WHRN: variants seen among roughly 807,000 people sequenced by gnomAD.
WHRN encodes CASK-interacting protein CIP98.
In WHRN, 41 loss-of-function variants were observed where a neutral mutation model predicts 68.3. The observed-to-expected ratio is 0.60, with a 90% CI of 0.47 to 0.78. The LOEUF (loss-of-function observed/expected upper bound fraction) is 0.78. WHRN is among the 30% of genes least tolerant of loss of function. WHRN has a pLI of 0.00. For missense variants in WHRN, 1,243 were observed against 1,244.7 expected (o/e 1.00, Z 0.02); for synonymous variants, 560 against 561.3 (o/e 1.00, Z 0.03).
At chr9:114,481,604 C>T (rs1430159245) in intron 1 of WHRN, among the ~76,000 whole-genome samples, 1 of 152,248 alleles carries the variant, frequency 6.6e-6, no homozygotes, top group African/African-American at 2.4e-5. Flanking sequence ...TCCCTCTCGT[C>T]TCTGCCTCCT....
chr9:114,427,896 T>C (rs1489649462), intron 3 of WHRN, among the ~76,000 whole-genome samples: 2 of 152,236 alleles, frequency 1.3e-5, no homozygotes, highest in Non-Finnish European at 2.9e-5. Flanking sequence ...TGGGATGTTG[T>C]GCTGAGCAGG....
At position 114,406,336 on chromosome 9, in the gene WHRN, C is replaced by T. The variant is rs767543804; in HGVS notation, c.2236+19G>A. 1 of 1,613,860 alleles carries T rather than the reference C, an allele frequency of 6.2e-7. No homozygotes were observed. Among genetic ancestry groups the T allele is most frequent in the Non-Finnish European group, 8.5e-7 (1 of 1,180,022 alleles). On this transcript the variant is annotated intron_variant, in intron 9 of 11. Coordinates refer to ENST00000362057, the MANE Select transcript of WHRN (RefSeq NM_015404.4). ...CAGGGACCCCCAAGGACCACAGAGC[C>T]TGGCCTTGCTGTACTCACTGCGCGT...
intron 4 of WHRN, 181 bp downstream of exon 4, chr9:114,426,030 G>A (rs1233822444): frequency 1.4e-6 from 1 of 733,588 alleles, no homozygotes; most frequent in Non-Finnish European, 2.3e-6. Flanking sequence ...TTTCCATGGG[G>A]AAACTGAGGC....
At chr9:114,431,238 T>C (rs559684272) in intron 3 of WHRN, among the ~76,000 whole-genome samples, 70 of 152,312 alleles carry the variant, frequency 4.6e-4, no homozygotes, top group Admixed American at 2.2e-3. Flanking sequence ...CTCAGTTTTG[T>C]CATCTATAAG....
chr9:114,455,573 A>G (rs1264480168), intron 3 of WHRN, among the ~76,000 whole-genome samples: 1 of 151,200 alleles, frequency 6.6e-6, no homozygotes. Context: ...AATTAGCCAC[A>G]TATGGTGGTG....
At chr9:114,408,503 A>G (rs2132225977) in intron 7 of WHRN, among the ~76,000 whole-genome samples, 1 of 152,344 alleles carries the variant, frequency 6.6e-6, no homozygotes, top group Non-Finnish European at 1.5e-5. Flanking sequence ...CTTATTTTGC[A>G]AAAAACGTCT....
In WHRN at chr9:114,444,060, T is replaced by C. The variant is rs558190133; in HGVS notation, c.964-17647A>G. On this transcript the variant is annotated intron_variant, in intron 3 of 11. Transcript: ENST00000362057. ...CCCGGTTCAATTATCTCCCACTGGGTCCCTCCCACAGGACACAGGAATTAT... is the reference window on the plus strand; with the variant it reads ...CCCGGTTCAATTATCTCCCACTGGGCCCCTCCCACAGGACACAGGAATTAT... 2.0e-5 allele frequency among the ~76,000 whole-genome samples: 3 copies of C among 152,200 alleles called. No homozygotes were observed. In the East Asian group the frequency reaches 5.8e-4, roughly 29 times the overall value.
At chr9:114,412,278 C>T (rs898264908) in intron 7 of WHRN, among the ~76,000 whole-genome samples, 3 of 152,220 alleles carry the variant, frequency 2.0e-5, no homozygotes, top group Non-Finnish European at 2.9e-5. Context: ...GAAATGCCTG[C>T]GGAACAGGCT....
chr9:114,414,785 G>C (rs1395853153), intron 7 of WHRN, among the ~76,000 whole-genome samples: 1 of 152,238 alleles, frequency 6.6e-6, no homozygotes, highest in Non-Finnish European at 1.5e-5. Context: ...ATTCTGGAAG[G>C]TGCAGGGGGC....
At chr9:114,493,078 A>C (rs1843126240) in intron 1 of WHRN, among the ~76,000 whole-genome samples, 1 of 152,192 alleles carries the variant, frequency 6.6e-6, no homozygotes, top group Non-Finnish European at 1.5e-5. Context: ...GGCTAGGCAC[A>C]GTGGCTCACG....
chr9:114,479,307 T>C (rs1170291343), intron 1 of WHRN, among the ~76,000 whole-genome samples: 1 of 152,160 alleles, frequency 6.6e-6, no homozygotes, highest in Non-Finnish European at 1.5e-5. Flanking sequence ...ATCCCACACC[T>C]TTGTCACCAT....
At chr9:114,494,832 T>C (rs539540373) in intron 1 of WHRN, among the ~76,000 whole-genome samples, 1 of 151,786 alleles carries the variant, frequency 6.6e-6, no homozygotes, top group African/African-American at 2.4e-5. Context: ...AAGCCCTCTA[T>C]CAAAGGTTAT....
At chr9:114,487,406 C>A in intron 1 of WHRN, among the ~76,000 whole-genome samples, 1 of 152,108 alleles carries the variant, frequency 6.6e-6, no homozygotes, top group Non-Finnish European at 1.5e-5. Context: ...TGAACATTTT[C>A]TGCTCCATCT....
At chr9:114,448,364 T>A (rs1839021393) in intron 3 of WHRN, among the ~76,000 whole-genome samples, 1 of 151,948 alleles carries the variant, frequency 6.6e-6, no homozygotes, top group Non-Finnish European at 1.5e-5. Context: ...ATGAGTGTGA[T>A]CCTGCTGTCA....
rs747069136 is a variant in WHRN, at chr9:114,404,052, C to T, written c.2262G>A (p.Ser754=). The change falls in exon 10 of 12, where the codon TCG becomes TCA. Residue 754 remains serine (S), a synonymous_variant. Transcript: ENST00000362057. ...TRTASTLSQL[S]DSGQTLSEDS... is the part of the protein sequence containing the mutation. ...CCTCGCTTAGAGTCTGCCCGCTGTCCGAGAGCTGGGAGAGCGTAGAGGCTG... is the reference window on the plus strand; with the variant it reads ...CCTCGCTTAGAGTCTGCCCGCTGTCTGAGAGCTGGGAGAGCGTAGAGGCTG... 1.5e-5 allele frequency: 25 copies of T among 1,613,170 alleles called. No individual in the cohort carries two copies. Among genetic ancestry groups the T allele is most frequent in the East Asian group, 6.7e-5 (3 of 44,896 alleles).
chr9:114,494,970 G>A lies in WHRN; in HGVS notation c.618+9214C>T, dbSNP rs752610492. Among the ~76,000 whole-genome samples the A allele has an allele frequency of 2.0e-5, 3 of 152,326 alleles. No individual in the cohort carries two copies. The South Asian group carries it at 6.2e-4, about 32-fold the overall frequency. ...TCAGGAGGGAAGAGCAGGCTCCTCA[G>A]GGTGGGGACAGCGGCAGAGGTGAGC... On this transcript the variant is annotated intron_variant, in intron 1 of 11. Coordinates refer to ENST00000362057, the MANE Select transcript of WHRN (RefSeq NM_015404.4).
chr9:114,505,011 C>G lies in WHRN; in HGVS notation c.-210G>C. 1.6e-6 allele frequency: 1 copy of G among 636,362 alleles called. No homozygotes were observed. Among genetic ancestry groups the G allele is most frequent in the Non-Finnish European group, 2.3e-6 (1 of 436,170 alleles). 39.4% of individuals were successfully genotyped at this position (636,362 alleles called of 1,614,324 possible). A position where few individuals can be genotyped will look rare whatever the true frequency, so the allele number is the denominator to read the frequency against. ...GGAGGCGCGAAGACGGCGGGGGTCG[C>G]GAACCTGGAATCCGGGGGACGCGGA... On this transcript the variant is annotated 5_prime_UTR_variant, in exon 1 of 12. Coordinates refer to ENST00000362057, the MANE Select transcript of WHRN (RefSeq NM_015404.4).
intron 1 of WHRN, among the ~76,000 whole-genome samples, chr9:114,489,883 C>T (rs1165007222): frequency 6.7e-6 from 1 of 148,666 alleles, no homozygotes; most frequent in Non-Finnish European, 1.5e-5. Context: ...GGCTCTGCAG[C>T]TACTGAGTTT....
At chr9:114,457,986 T>G (rs1839950694) in intron 3 of WHRN, among the ~76,000 whole-genome samples, 1 of 151,858 alleles carries the variant, frequency 6.6e-6, no homozygotes, top group African/African-American at 2.4e-5. Flanking sequence ...TCAAAATATC[T>G]CTATCAGTGT....
Sources: gnomAD v4.1 joint callset for allele counts (sites outside exome capture counted in the v4.1 genomes callset) on GRCh38, gnomAD v4.1.1 for gene constraint, MANE v1.5 for transcripts, NCBI Gene and HGNC (gene_info 2026-07-23, HGNC 2026-07-21) for gene names.